Variants in PKD1L1 observed in about 807,000 individuals in gnomAD.
The protein encoded by PKD1L1 is polycystin 1 like 1, transient receptor potential channel interacting.
PKD1L1 carries 236 observed loss-of-function variants against 323.4 expected under a neutral mutation model. The observed-to-expected ratio is 0.73, with a 90% CI of 0.66 to 0.81. The LOEUF is 0.81. Among genes scored for constraint, PKD1L1 ranks in the 40% least tolerant of loss-of-function variants. The pLI, the probability that PKD1L1 is intolerant of heterozygous loss-of-function variation, is 0.00. For synonymous variants in PKD1L1, 1,344 were observed against 1,335.0 expected (o/e 1.01, Z -0.15); for missense variants, 3,320 against 3,508.0 (o/e 0.95, Z 1.35).
chr7:47,948,277 G>C (rs907062127), intron 1 of PKD1L1, 120 bp downstream of exon 1: 27 of 1,155,072 alleles, frequency 2.3e-5, no homozygotes, highest in Non-Finnish European at 3.3e-5. Flanking sequence ...CCTGGTACAG[G>C]GCCTCCACTC....
the PKD1L1 span, among the ~76,000 whole-genome samples, chr7:47,959,811 C>T: frequency 1.3e-5 from 2 of 149,958 alleles, no homozygotes; most frequent in South Asian, 4.2e-4. Context: ...TCTGCCCGGC[C>T]GCCCCTACTG....
At chr7:47,923,502 C>T (rs889851748) in intron 7 of PKD1L1, among the ~76,000 whole-genome samples, 1 of 151,742 alleles carries the variant, frequency 6.6e-6, no homozygotes, top group African/African-American at 2.4e-5. Flanking sequence ...ACTCATGTAA[C>T]CAAACACCAC....
intron 23 of PKD1L1, among the ~76,000 whole-genome samples, chr7:47,875,046 G>T (rs1041741946): frequency 1.3e-5 from 2 of 152,150 alleles, no homozygotes; most frequent in African/African-American, 2.4e-5. Flanking sequence ...CAGAGCTGAG[G>T]CCCTGGCCCA....
In PKD1L1 at chr7:47,840,553, T is replaced by TA; in HGVS notation, c.5459dup (p.Leu1820PhefsTer22). 6.2e-7 allele frequency: 1 copy of TA among 1,613,564 alleles called. No individual in the cohort carries two copies. Among genetic ancestry groups the TA allele is most frequent in the Non-Finnish European group, 8.5e-7 (1 of 1,179,500 alleles). ...TTTCTGACAGTCCATTGTCGCCACA[T>TA]AAAACAATGTACACCTCAAAACAAA... On this transcript the variant is annotated frameshift_variant, in exon 35 of 57. Transcript: ENST00000289672. LOFTEE classifies it high-confidence loss of function. The surrounding 1 kb of genome is among the most constrained non-coding windows in gnomAD (Gnocchi z 4.1).
intron 17 of PKD1L1, among the ~76,000 whole-genome samples, chr7:47,887,042 C>A (rs1212451483): frequency 7.5e-6 from 1 of 133,740 alleles, no homozygotes; most frequent in Non-Finnish European, 1.7e-5. Context: ...AAAGTCTAAC[C>A]ACTGTATGTG....
chr7:47,948,813 C>T (rs1447815950), upstream of PKD1L1, among the ~76,000 whole-genome samples: 1 of 151,778 alleles, frequency 6.6e-6, no homozygotes, highest in Admixed American at 6.6e-5. Flanking sequence ...CAAAAATAGC[C>T]AAGTGTGGTG....
At chr7:47,822,254 A>G (rs968183220) in intron 45 of PKD1L1, among the ~76,000 whole-genome samples, 1 of 152,082 alleles carries the variant, frequency 6.6e-6, no homozygotes, top group Admixed American at 6.6e-5. Flanking sequence ...TTTGCTTTCC[A>G]TATAAATTTT....
rs755831711 is a variant in PKD1L1, at chr7:47,890,569, AG to A, written c.2647del (p.Leu883CysfsTer53). On this transcript the variant is annotated frameshift_variant, in exon 16 of 57. Transcript: ENST00000289672. LOFTEE classifies it high-confidence loss of function. Reference protein sequence around the residue: ...GRNSSETRVFLSPYPDSAFRF... With the variant: ...GRNSSETRVFXSPYPDSAFRF... ...GAACGCCGAGTCAGGGTAGGGGGAC[AG>A]GAACACCCGGGTCTCAGAAGAGTTC... 17 of 1,614,046 alleles carry A rather than the reference AG, an allele frequency of 1.1e-5. No individual in the cohort carries two copies. Among genetic ancestry groups the A allele is most frequent in the Non-Finnish European group, 1.3e-5 (15 of 1,180,050 alleles).
chr7:47,911,230 C>A (rs180890480), intron 8 of PKD1L1, among the ~76,000 whole-genome samples: 1 of 152,210 alleles, frequency 6.6e-6, no homozygotes, highest in African/African-American at 2.4e-5. Flanking sequence ...TGGCATCTCA[C>A]TCTCTCTCAT....
At chr7:47,775,525 C>T (rs754703968) in intron 56 of PKD1L1, among the ~76,000 whole-genome samples, 5 of 152,054 alleles carry the variant, frequency 3.3e-5, no homozygotes, top group Admixed American at 2.0e-4. Flanking sequence ...TAATATACTT[C>T]CAAATCACCC....
At chr7:47,960,388 A>AAAACAC in the PKD1L1 span, among the ~76,000 whole-genome samples, 50 of 132,392 alleles carry the variant, frequency 3.8e-4, no homozygotes, top group African/African-American at 1.3e-3. Flanking sequence ...AAAAAAAAAA[A>AAAACAC]AAAAAACTGT....
intron 8 of PKD1L1, among the ~76,000 whole-genome samples, chr7:47,911,373 C>T (rs1360700518): frequency 6.6e-6 from 1 of 152,168 alleles, no homozygotes; most frequent in Non-Finnish European, 1.5e-5. Context: ...AACCGTGAGC[C>T]AATTAAGCTT....
chr7:47,792,315 T>A (rs1021509632), intron 56 of PKD1L1, among the ~76,000 whole-genome samples: 1 of 140,600 alleles, frequency 7.1e-6, no homozygotes, highest in South Asian at 2.8e-4. Flanking sequence ...GATTTCTGGG[T>A]TTTTTTTTGT....
intron 3 of PKD1L1, among the ~76,000 whole-genome samples, chr7:47,939,413 C>T (rs1219020403): frequency 2.6e-5 from 4 of 152,136 alleles, no homozygotes; most frequent in South Asian, 2.1e-4. Flanking sequence ...GAACTAGAAA[C>T]GCACAACTCT....
At chr7:47,917,166 T>C (rs1234191532) in intron 7 of PKD1L1, among the ~76,000 whole-genome samples, 2 of 152,100 alleles carry the variant, frequency 1.3e-5, no homozygotes, top group Non-Finnish European at 2.9e-5. Context: ...GACACACTTA[T>C]AGAAATGCAA....
chr7:47,795,985 T>C lies in PKD1L1; in HGVS notation c.8355+4A>G. The C allele has an allele frequency of 1.9e-6, 3 of 1,611,212 alleles. No individual in the cohort carries two copies. The highest frequency in any genetic ancestry group is 2.5e-6 in the Non-Finnish European group (3 of 1,179,042). On this transcript the variant is annotated splice_donor_region_variant and intron_variant, in intron 55 of 56. Coordinates refer to ENST00000289672, the MANE Select transcript of PKD1L1 (RefSeq NM_138295.5). ...GCTCAGTAATCCAAGATCTCACAGC[T>C]TACGTGATTCTCAACCATCTCAGCC...
chr7:47,907,562 T>C (rs1195773681), intron 9 of PKD1L1, among the ~76,000 whole-genome samples: 1 of 152,202 alleles, frequency 6.6e-6, no homozygotes, highest in East Asian at 1.9e-4. Context: ...GTGGAATGGA[T>C]ATTTTGTCCT....
intron 46 of PKD1L1, among the ~76,000 whole-genome samples, chr7:47,816,359 T>G (rs1785018339): frequency 6.6e-6 from 1 of 152,244 alleles, no homozygotes; most frequent in Non-Finnish European, 1.5e-5. Context: ...ATTTATCATT[T>G]TTAGTTTGCT....
At chr7:47,786,272 T>C (rs1366983844) in intron 56 of PKD1L1, among the ~76,000 whole-genome samples, 4 of 152,202 alleles carry the variant, frequency 2.6e-5, no homozygotes, top group Admixed American at 1.3e-4. Context: ...AAAAGCTAAG[T>C]ATTCTAAATC....
Sources: gnomAD v4.1 joint callset for allele counts (sites outside exome capture counted in the v4.1 genomes callset) on GRCh38, gnomAD v4.1.1 for gene constraint, Gnocchi (gnomAD v3.1) non-coding constraint, MANE v1.5 for transcripts, NCBI Gene and HGNC (gene_info 2026-07-23, HGNC 2026-07-21) for gene names.